The following HS3ST5 variants were observed in gnomAD, a reference collection of about 807,000 sequenced individuals.
HS3ST5 encodes the protein heparan sulfate-glucosamine 3-sulfotransferase 5, also known as heparan sulfate glucosamine 3-O-sulfotransferase 5.
In HS3ST5, 10 loss-of-function variants were observed where a neutral mutation model predicts 25.4. The observed-to-expected ratio is 0.39, with a 90% CI of 0.24 to 0.67. The LOEUF is 0.67. Among genes scored for constraint, HS3ST5 ranks in the 30% least tolerant of loss-of-function variants. HS3ST5 has a pLI of 0.44. For missense variants in HS3ST5, 324 were observed against 420.7 expected, an observed-to-expected ratio of 0.77 and a Z score of 2.01; for synonymous variants, 170 against 162.4, an observed-to-expected ratio of 1.05 and a Z score of -0.36.
At chr6:114,241,466 G>A (rs12110581) in intron 1 of HS3ST5, among the ~76,000 whole-genome samples, 55,844 of 151,726 alleles carry the variant, frequency 0.37, 10,284 homozygotes, top group African/African-American at 0.4. Flanking sequence ...TACCACTCAC[G>A]TTTTTTATAA....
intron 2 of HS3ST5, among the ~76,000 whole-genome samples, chr6:114,221,730 C>G (rs905261585): frequency 1.3e-5 from 2 of 151,412 alleles, no homozygotes; most frequent in African/African-American, 4.8e-5. Flanking sequence ...AATGACATAC[C>G]TTTAAAATCC....
rs1040259 is a variant in HS3ST5 at position 114,248,255 on chromosome 6, C to T, written c.-338-19477G>A. ...ATATATATAAAATATTCACTATGGG[C>T]TCCACTAATTATACATACATATGAA... On this transcript the variant is annotated intron_variant, in intron 1 of 4. Transcript: ENST00000312719. 3.8e-3 allele frequency among the ~76,000 whole-genome samples: 565 copies of T among 148,302 alleles called. 6 individuals are homozygous for T. The highest frequency in any genetic ancestry group is 0.013 in the African/African-American group (544 of 40,726).
At chr6:114,066,045 C>T (rs1216975963) in intron 3 of HS3ST5, among the ~76,000 whole-genome samples, 2 of 152,224 alleles carry the variant, frequency 1.3e-5, no homozygotes, top group Non-Finnish European at 2.9e-5. Context: ...AGGATCCAAT[C>T]ACCCACCTCC....
At chr6:114,241,163 A>T (rs1176663586) in intron 1 of HS3ST5, among the ~76,000 whole-genome samples, 3 of 142,592 alleles carry the variant, frequency 2.1e-5, no homozygotes, top group East Asian at 2.0e-4. Context: ...TTACTATAAT[A>T]CAAAGAAATA....
intron 2 of HS3ST5, among the ~76,000 whole-genome samples, chr6:114,226,933 CT>C (rs1362002590): frequency 6.6e-5 from 10 of 151,936 alleles, no homozygotes; most frequent in Admixed American, 6.6e-4. Flanking sequence ...GTATGCTTCT[CT>C]GAAATTGAAA....
rs901585682 is a variant in HS3ST5, at chr6:114,136,990, C to A, written c.-33+31361G>T. On this transcript the variant is annotated intron_variant, in intron 3 of 4. Transcript: ENST00000312719. ...TATCATTTTTTGATATTTTGCCCTC[C>A]CAATCTGATTCATTCAGAGAATATA... 5.3e-5 allele frequency among the ~76,000 whole-genome samples: 8 copies of A among 152,178 alleles called. No individual in the cohort carries two copies. In the South Asian group the frequency reaches 1.2e-3, roughly 24 times the overall value.
At chr6:114,215,783 C>T (rs1582724816) in intron 2 of HS3ST5, among the ~76,000 whole-genome samples, 1 of 152,286 alleles carries the variant, frequency 6.6e-6, no homozygotes, top group African/African-American at 2.4e-5. Flanking sequence ...ACTATGATAT[C>T]TGCATAAGCC....
chr6:114,225,961 A>T (rs1396030854), intron 2 of HS3ST5, among the ~76,000 whole-genome samples: 1 of 151,928 alleles, frequency 6.6e-6, no homozygotes, highest in African/African-American at 2.4e-5. Context: ...GAACAGCAGA[A>T]TTTGGCCCTA....
intron 1 of HS3ST5, among the ~76,000 whole-genome samples, chr6:114,273,890 T>A (rs1289195321): frequency 6.6e-6 from 1 of 151,808 alleles, no homozygotes; most frequent in Non-Finnish European, 1.5e-5. Flanking sequence ...AGTTCTACTC[T>A]AAAAGGCAAA....
chr6:114,086,351 G>C (rs1156380295), intron 3 of HS3ST5, among the ~76,000 whole-genome samples: 1 of 152,194 alleles, frequency 6.6e-6, no homozygotes, highest in Admixed American at 6.5e-5. Context: ...GATTAACATA[G>C]TGTTGCTAGT....
Position 114,189,727 on chromosome 6 carries a change from A to G in HS3ST5, c.-144-21265T>C, listed in dbSNP as rs190988343. 5.3e-5 allele frequency among the ~76,000 whole-genome samples: 8 copies of G among 152,026 alleles called. No homozygotes were observed. In the East Asian group the frequency reaches 9.7e-4, roughly 18 times the overall value. On this transcript the variant is annotated intron_variant, in intron 2 of 4. Coordinates refer to ENST00000312719, the MANE Select transcript of HS3ST5 (RefSeq NM_153612.4). ...CACTGAGGCAGTATCTTATCTCTTC[A>G]CATAGTCTCTGTTTCCTGCAAGGTG...
intron 3 of HS3ST5, among the ~76,000 whole-genome samples, chr6:114,165,713 A>G (rs1465745406): frequency 1.3e-5 from 2 of 152,164 alleles, no homozygotes; most frequent in Non-Finnish European, 2.9e-5. Context: ...TGACTGCTAC[A>G]TCATTGGTTT....
chr6:114,083,596 C>CT (rs1774590727), intron 3 of HS3ST5, among the ~76,000 whole-genome samples: 1 of 152,188 alleles, frequency 6.6e-6, no homozygotes. Flanking sequence ...AGCAATCTCT[C>CT]TTTTCACTTT....
At chr6:114,161,558 T>TATAC (rs1778968353) in intron 3 of HS3ST5, among the ~76,000 whole-genome samples, 1 of 95,190 alleles carries the variant, frequency 1.1e-5, no homozygotes, top group African/African-American at 4.3e-5. Context: ...TATATATATA[T>TATAC]ATATATATAT....
At chr6:114,208,733 T>A (rs957755144) in intron 2 of HS3ST5, among the ~76,000 whole-genome samples, 1 of 152,160 alleles carries the variant, frequency 6.6e-6, no homozygotes, top group Non-Finnish European at 1.5e-5. Flanking sequence ...TCAGTGACCC[T>A]GGATGAGTCT....
At chr6:114,100,950 C>G (rs532374959) in intron 3 of HS3ST5, among the ~76,000 whole-genome samples, 1 of 152,188 alleles carries the variant, frequency 6.6e-6, no homozygotes, top group Non-Finnish European at 1.5e-5. Flanking sequence ...AACAATTAAT[C>G]TGGGCCTTTC....
intron 1 of HS3ST5, among the ~76,000 whole-genome samples, chr6:114,282,643 T>G (rs551917698): frequency 6.6e-6 from 1 of 152,150 alleles, no homozygotes; most frequent in African/African-American, 2.4e-5. Context: ...ATGCTCTGTT[T>G]GGCCCACTGA....
intron 2 of HS3ST5, among the ~76,000 whole-genome samples, chr6:114,201,665 G>A (rs780223303): frequency 1.3e-5 from 2 of 152,018 alleles, no homozygotes; most frequent in Non-Finnish European, 2.9e-5. Flanking sequence ...GTATTGGTCC[G>A]TTCTCAGGCT....
chr6:114,254,575 A>G (rs534489435), intron 1 of HS3ST5, among the ~76,000 whole-genome samples: 1 of 152,340 alleles, frequency 6.6e-6, no homozygotes, highest in African/African-American at 2.4e-5. Context: ...CTGCTGATAA[A>G]GACGTACCCG....
Sources: allele counts gnomAD v4.1 joint callset (sites outside exome capture counted in the v4.1 genomes callset), GRCh38; gene constraint gnomAD v4.1.1; transcripts MANE v1.5; gene names NCBI Gene and HGNC (gene_info 2026-07-23, HGNC 2026-07-21).